FAM9A: variants seen among roughly 807,000 people sequenced by gnomAD.
FAM9A encodes family with sequence similarity 9 member A, also known as protein FAM9A.
In FAM9A, 49 loss-of-function variants were observed where a neutral mutation model predicts 25.0. That is an observed-to-expected ratio of 1.96 (90% CI 1.56 to 2.48). The LOEUF is 2.48. FAM9A is among the 30% of genes most tolerant of loss of function. FAM9A has a pLI of 0.00. For missense variants in FAM9A, 266 were observed against 249.3 expected, an observed-to-expected ratio of 1.07 and a Z score of -0.45; for synonymous variants, 80 against 85.1, an observed-to-expected ratio of 0.94 and a Z score of 0.33.
At chrX:8,793,490 C>T (rs1490990391) in intron 8 of FAM9A, among the ~76,000 whole-genome samples, 168 bp downstream of exon 8, 2 of 112,419 alleles carry the variant, frequency 1.8e-5, no homozygotes, top group East Asian at 5.5e-4. Flanking sequence ...CCTAAAAATA[C>T]ATTTACCAGT....
At chrX:8,798,300 A>G in intron 4 of FAM9A, 59 bp downstream of exon 4, 5 of 1,206,561 alleles carry the variant, frequency 4.1e-6, no homozygotes, top group Non-Finnish European at 5.6e-6. Context: ...GACATGAACC[A>G]AAGCTGACTT....
Position 8,795,153 on chromosome X carries a change from TCC to T in FAM9A, c.754_755del (p.Gly252ArgfsTer26), listed in dbSNP as rs1157850525. 8 of 1,001,007 alleles carry T rather than the reference TCC, an allele frequency of 8.0e-6. No homozygotes were observed. Among genetic ancestry groups the T allele is most frequent in the Admixed American group, 2.5e-5 (1 of 39,495 alleles). The allele number at this position is 1,001,007 out of a possible 1,213,427, so 82.5% of individuals were successfully genotyped here. ...TTTCTTCTCCTTCTCCTCCTCCTCC[TCC>T]TTCTTCTCCTTCTTCTCCTCCTCCT... ...EEGGGEEGEE[G>X]GGGGEGEETE... On this transcript the variant is annotated frameshift_variant, in exon 7 of 10. Transcript: ENST00000381003. LOFTEE classifies it high-confidence loss of function.
At chrX:8,797,889 T>C (rs1933551288) in intron 5 of FAM9A, among the ~76,000 whole-genome samples, 1 of 112,068 alleles carries the variant, frequency 8.9e-6, no homozygotes, top group South Asian at 3.7e-4. Flanking sequence ...CCCAAATAAT[T>C]AAATTTCCAT....
chrX:8,791,444 A>G, intron 8 of FAM9A, 65 bp from the exon 9 acceptor site: 1 of 834,305 alleles, frequency 1.2e-6, no homozygotes, highest in Admixed American at 3.3e-5. Flanking sequence ...AAACAGGGTT[A>G]ATCAGATGTC....
chrX:8,793,865 A>G, intron 7 of FAM9A, 109 bp from the exon 8 acceptor site: 2 of 506,580 alleles, frequency 3.9e-6, no homozygotes, highest in Non-Finnish European at 6.5e-6. Flanking sequence ...ACTTCTTAAC[A>G]CTTTCTTTTA....
rs1304477409 is a variant in FAM9A, at chrX:8,795,331, T to G, written c.578A>C (p.Glu193Ala). ...AEKQKDDEAEEAEAAAAAAEA... is the reference protein window; with the variant it reads ...AEKQKDDEAEAAEAAAAAAEA... Reference sequence around the variant, plus strand: ...TGCTGCTGCTGCTGCGGCTTCTGCTTCTTCTGCTTCATCATCTTTCTGCTT... The same window carrying G: ...TGCTGCTGCTGCTGCGGCTTCTGCTGCTTCTGCTTCATCATCTTTCTGCTT... Residue 193 changes from glutamate to alanine, a missense_variant, in exon 7 of 10, where the codon GAA becomes GCA. Glu to Ala is a moderately radical substitution (Grantham distance 107). Coordinates refer to ENST00000381003, the MANE Select transcript of FAM9A (RefSeq NM_174951.3). 1.7e-5 allele frequency: 20 copies of G among 1,206,562 alleles called. No homozygotes were observed. Among genetic ancestry groups the G allele is most frequent in the Middle Eastern group, 3.1e-4 (1 of 3,262 alleles).
intron 3 of FAM9A, 147 bp downstream of exon 3, chrX:8,798,819 T>C: frequency 1.0e-6 from 1 of 1,004,471 alleles, no homozygotes; most frequent in South Asian, 2.5e-5. Context: ...TTTGAAAACC[T>C]GGGGCCTCTT....
At chrX:8,798,871 G>T in intron 3 of FAM9A, 95 bp downstream of exon 3, 1 of 1,168,541 alleles carries the variant, frequency 8.6e-7, no homozygotes. Context: ...AGGGGCCAGG[G>T]GTCTCGGGCT....
intron 5 of FAM9A, among the ~76,000 whole-genome samples, chrX:8,797,919 T>C (rs1933551521): frequency 8.9e-6 from 1 of 112,006 alleles, no homozygotes; most frequent in African/African-American, 3.2e-5. Context: ...AGAAAAGCCA[T>C]CCCTCTCACT....
intron 8 of FAM9A, among the ~76,000 whole-genome samples, chrX:8,792,328 A>T (rs1303505952): frequency 9.0e-6 from 1 of 111,125 alleles, no homozygotes; most frequent in Non-Finnish European, 1.9e-5. Context: ...TAGGAAGATA[A>T]TATTGCCGAT....
At chrX:8,798,869 G>A (rs2146941144) in intron 3 of FAM9A, 97 bp downstream of exon 3, 1 of 1,165,651 alleles carries the variant, frequency 8.6e-7, no homozygotes, top group Non-Finnish European at 1.2e-6. Flanking sequence ...GAAGGGGCCA[G>A]GGGTCTCGGG....
At chrX:8,799,282 G>A (rs1485476454) in intron 2 of FAM9A, among the ~76,000 whole-genome samples, 188 bp from the exon 3 acceptor site, 3 of 110,973 alleles carry the variant, frequency 2.7e-5, no homozygotes, top group Admixed American at 9.4e-5. Flanking sequence ...CCCTCCCTGG[G>A]GCTGGCTGCA....
At chrX:8,794,923 C>T (rs1402697582) in intron 7 of FAM9A, among the ~76,000 whole-genome samples, 155 bp downstream of exon 7, 2 of 111,886 alleles carry the variant, frequency 1.8e-5, no homozygotes, top group East Asian at 2.8e-4. Flanking sequence ...CCTAATGCTG[C>T]GTGGCAATTA....
intron 5 of FAM9A, among the ~76,000 whole-genome samples, chrX:8,796,870 CTG>C (rs1248520420): frequency 2.1e-4 from 23 of 112,038 alleles, no homozygotes; most frequent in African/African-American, 7.4e-4. Context: ...ATGCTATTAA[CTG>C]TATTTTAATA....
Position 8,791,109 on chromosome X carries a change from T to A in FAM9A, c.*95A>T. On this transcript the variant is annotated 3_prime_UTR_variant, in exon 10 of 10. Coordinates refer to ENST00000381003, the MANE Select transcript of FAM9A (RefSeq NM_174951.3). ...CGTATCATATAACATAGGTTCAAGT[T>A]CTTTCTTCAGTCATCAGAATAACAG... 1 of 370,596 alleles carries A rather than the reference T, an allele frequency of 2.7e-6. No individual in the cohort carries two copies. Among genetic ancestry groups the A allele is most frequent in the Non-Finnish European group, 4.7e-6 (1 of 212,812 alleles). The allele number at this position is 370,596 out of a possible 1,213,427, so 30.5% of individuals were successfully genotyped here. A position where few individuals can be genotyped will look rare whatever the true frequency, so the allele number is the denominator to read the frequency against.
At chrX:8,800,033 T>C in intron 2 of FAM9A, 48 bp downstream of exon 2, 2 of 1,184,255 alleles carry the variant, frequency 1.7e-6, no homozygotes, top group Non-Finnish European at 1.1e-6. Flanking sequence ...GGGCTGCCCA[T>C]GTGCCCCCCG....
rs1933587710 is a variant in FAM9A at position 8,800,072 on chromosome X, G to C, written c.91+9C>G. On this transcript the variant is annotated intron_variant, in intron 2 of 9. Coordinates refer to ENST00000381003, the MANE Select transcript of FAM9A (RefSeq NM_174951.3). ...AGAGAGCAAACAGACCATCTCCTTGGGCGTGCACCTTCTTTCGTGGCCCCC... is the reference window on the plus strand; with the variant it reads ...AGAGAGCAAACAGACCATCTCCTTGCGCGTGCACCTTCTTTCGTGGCCCCC... 1 of 1,204,282 alleles carries C rather than the reference G, an allele frequency of 8.3e-7. No homozygotes were observed. The highest frequency in any genetic ancestry group is 1.1e-6 in the Non-Finnish European group (1 of 892,889).
intron 7 of FAM9A, among the ~76,000 whole-genome samples, chrX:8,794,253 C>A (rs751437618): frequency 9.0e-6 from 1 of 111,501 alleles, no homozygotes; most frequent in Non-Finnish European, 1.9e-5. Context: ...CTTATACAGT[C>A]ATCCCCTAGA....
At chrX:8,799,708 C>T (rs1456502180) in intron 2 of FAM9A, among the ~76,000 whole-genome samples, 2 of 55,636 alleles carry the variant, frequency 3.6e-5, no homozygotes, top group African/African-American at 7.4e-5. Context: ...CTGCCACTCC[C>T]CCGACCCTCC....
Sources: allele counts gnomAD v4.1 joint callset (sites outside exome capture counted in the v4.1 genomes callset), GRCh38; gene constraint gnomAD v4.1.1; transcripts MANE v1.5; gene names NCBI Gene and HGNC (gene_info 2026-07-23, HGNC 2026-07-21).